EVI5: variants seen among roughly 807,000 people sequenced by gnomAD.
The protein encoded by EVI5 is ecotropic viral integration site 5 protein homolog.
In EVI5, 73 loss-of-function variants were observed where a neutral mutation model predicts 112.0. The ratio of observed to expected loss-of-function variants is 0.65; its 90% CI spans 0.54 to 0.79. EVI5 has a LOEUF of 0.79. Ranked by LOEUF, EVI5 falls within the 30% of genes least tolerant of loss-of-function variation. The probability of loss-of-function intolerance (pLI) is 0.00; values close to 1 mark genes in which losing one functional copy is unlikely to be tolerated. For synonymous variants in EVI5, 305 were observed against 319.9 expected (o/e 0.95, Z 0.50); for missense variants, 900 against 968.8 (o/e 0.93, Z 0.94).
rs1664824939 is a variant in EVI5 at position 92,666,005 on chromosome 1, A to G, written c.1159-13T>C. ...CTGTGCGTAACCTCTGCCAAGAAAA[A>G]AAAAGTTTTATTTGCAAGCATTTTT... On this transcript the variant is annotated splice_polypyrimidine_tract_variant and intron_variant, in intron 10 of 19. Transcript: ENST00000684568. 6.3e-7 allele frequency: 1 copy of G among 1,583,740 alleles called. No individual in the cohort carries two copies. The highest frequency in any genetic ancestry group is 8.6e-7 in the Non-Finnish European group (1 of 1,167,028).
intron 19 of EVI5, among the ~76,000 whole-genome samples, chr1:92,522,529 G>C (rs886938220): frequency 1.3e-5 from 2 of 150,744 alleles, no homozygotes; most frequent in African/African-American, 4.9e-5. Context: ...CCAGCTACGC[G>C]GGAGGCTGAG....
Position 92,767,821 on chromosome 1 carries a change from T to C in EVI5, c.-82+17015A>G, listed in dbSNP as rs1457056873. The stretch of plus-strand genomic sequence containing the variant: ...TTGGCAGAGCACAGTGGTTCACGCC[T>C]GTAATCCCAGCACCTTGGGAGGCCA... On this transcript the variant is annotated intron_variant, in intron 1 of 19. Coordinates refer to ENST00000684568, the MANE Select transcript of EVI5 (RefSeq NM_001350197.2). Among the ~76,000 whole-genome samples the C allele has an allele frequency of 2.0e-5, 3 of 152,368 alleles. 1 individual carries two copies. Among genetic ancestry groups the C allele is most frequent in the African/African-American group, 4.8e-5 (2 of 41,588 alleles).
At chr1:92,652,855 G>C (rs1378237691) in intron 13 of EVI5, among the ~76,000 whole-genome samples, 1 of 152,128 alleles carries the variant, frequency 6.6e-6, no homozygotes, top group Non-Finnish European at 1.5e-5. Flanking sequence ...AAGAAGCTGG[G>C]GCACAGAAAA....
At chr1:92,583,236 C>T (rs943138965) in intron 18 of EVI5, among the ~76,000 whole-genome samples, 7 of 151,844 alleles carry the variant, frequency 4.6e-5, no homozygotes, top group Admixed American at 2.0e-4. Flanking sequence ...GGGTCAGGCG[C>T]GGTGGCTCAT....
chr1:92,574,692 T>A (rs984542948), intron 18 of EVI5, among the ~76,000 whole-genome samples: 4 of 152,190 alleles, frequency 2.6e-5, no homozygotes, highest in African/African-American at 7.2e-5. Flanking sequence ...GTAAAGGGTA[T>A]CCTTAAGAGT....
intron 16 of EVI5, among the ~76,000 whole-genome samples, chr1:92,616,421 A>G (rs571702394): frequency 2.6e-5 from 4 of 152,194 alleles, no homozygotes; most frequent in Non-Finnish European, 5.9e-5. Flanking sequence ...ATCAAACGCA[A>G]GGTAGGCATA....
intron 16 of EVI5, among the ~76,000 whole-genome samples, chr1:92,621,187 GAAAC>G (rs1195197201): frequency 1.3e-5 from 2 of 152,012 alleles, no homozygotes; most frequent in Non-Finnish European, 2.9e-5. Flanking sequence ...AAGAAACAAA[GAAAC>G]AAAGAACAGA....
chr1:92,631,738 A>T (rs896894258), intron 14 of EVI5, among the ~76,000 whole-genome samples: 11 of 152,246 alleles, frequency 7.2e-5, no homozygotes, highest in Non-Finnish European at 1.5e-4. Flanking sequence ...GTGGTGAGAG[A>T]GGGCATCCCT....
At chr1:92,760,248 C>A (rs1006714204) in intron 1 of EVI5, among the ~76,000 whole-genome samples, 1 of 152,152 alleles carries the variant, frequency 6.6e-6, no homozygotes, top group South Asian at 2.1e-4. Context: ...GAGAGAGCAA[C>A]ACAATGCTGA....
At chr1:92,565,307 G>C (rs755097930) in intron 18 of EVI5, among the ~76,000 whole-genome samples, 3 of 152,170 alleles carry the variant, frequency 2.0e-5, no homozygotes, top group Non-Finnish European at 4.4e-5. Flanking sequence ...ATGCTACTCT[G>C]TACTTTGCTA....
At chr1:92,666,636 G>A (rs1572190819) in intron 10 of EVI5, among the ~76,000 whole-genome samples, 2 of 149,848 alleles carry the variant, frequency 1.3e-5, no homozygotes, top group East Asian at 3.9e-4. Flanking sequence ...GGGAGGGAAG[G>A]GGAGAAGAAA....
chr1:92,703,490 A>G lies in EVI5; in HGVS notation c.469T>C (p.Leu157=). Residue 157 remains leucine, a synonymous_variant, in exon 4 of 20, where the codon TTG becomes CTG. Transcript: ENST00000684568. ...LLKMTSPCEK[L]IRRDIARTYP... ...GTTCTAGCAATGTCCCTTCGGATCA[A>G]TTTTTCACAAGGCGAGGTCATTTTC... 1 of 1,599,686 alleles carries G rather than the reference A, an allele frequency of 6.3e-7. No homozygotes were observed.
chr1:92,634,465 T>C (rs1419087255), intron 14 of EVI5, among the ~76,000 whole-genome samples: 7 of 152,318 alleles, frequency 4.6e-5, no homozygotes, highest in Middle Eastern at 6.8e-3. Flanking sequence ...TTCCACTTGA[T>C]CGAATCGGCT....
upstream of EVI5, among the ~76,000 whole-genome samples, chr1:92,788,496 CAAAACAAAAA>C (rs1042588719): frequency 1.5e-5 from 2 of 131,546 alleles, no homozygotes; most frequent in South Asian, 2.3e-4. Context: ...CAAAACAAAA[CAAAACAAAAA>C]AAAAACTAGG....
chr1:92,563,037 T>C (rs1204367428), intron 19 of EVI5, among the ~76,000 whole-genome samples: 2 of 152,196 alleles, frequency 1.3e-5, no homozygotes, highest in African/African-American at 4.8e-5. Context: ...TCGAGCCACA[T>C]TAACATATCT....
upstream of EVI5, among the ~76,000 whole-genome samples, chr1:92,785,370 G>A (rs1685515877): frequency 6.6e-6 from 1 of 152,176 alleles, no homozygotes; most frequent in Admixed American, 6.5e-5. Flanking sequence ...ACCCCCTCGG[G>A]GGCCCGAAGC....
intron 14 of EVI5, among the ~76,000 whole-genome samples, chr1:92,631,863 C>T (rs1450707584): frequency 6.6e-6 from 1 of 152,072 alleles, no homozygotes; most frequent in Admixed American, 6.6e-5. Context: ...CCATTGATAC[C>T]TAATTTATTG....
At chr1:92,729,941 T>G (rs1676173813) in intron 2 of EVI5, among the ~76,000 whole-genome samples, 1 of 152,172 alleles carries the variant, frequency 6.6e-6, no homozygotes, top group African/African-American at 2.4e-5. Flanking sequence ...GGTTTAACAT[T>G]GAAAAATCAA....
chr1:92,714,913 G>A lies in EVI5; in HGVS notation c.150-10169C>T, dbSNP rs199572802. Among the ~76,000 whole-genome samples, 3 of 152,050 alleles carry A rather than the reference G, an allele frequency of 2.0e-5. No homozygotes were observed. In the East Asian group the frequency reaches 5.8e-4, roughly 29 times the overall value. ...ACCTTTACTTTTAACTAAAGTCAGA[G>A]AGATGTTTTTCCACCAGGATTGTTC... is the stretch of plus-strand genomic sequence containing the variant. On this transcript the variant is annotated intron_variant, in intron 2 of 19. Transcript: ENST00000684568.
Sources: allele counts gnomAD v4.1 joint callset (sites outside exome capture counted in the v4.1 genomes callset), GRCh38; gene constraint gnomAD v4.1.1; transcripts MANE v1.5; gene names NCBI Gene and HGNC (gene_info 2026-07-23, HGNC 2026-07-21).